CATSPERG: variants seen among roughly 807,000 people sequenced by gnomAD.
The protein encoded by CATSPERG is catsper channel auxiliary subunit gamma, also known as cation channel sperm-associated auxiliary subunit gamma.
CATSPERG carries 115 observed loss-of-function variants against 145.0 expected under a neutral mutation model. That is an observed-to-expected ratio of 0.79 (90% confidence interval 0.68 to 0.93). CATSPERG has a LOEUF of 0.93. Ranked by LOEUF, CATSPERG falls within the 40% of genes least tolerant of loss-of-function variation. The pLI is 0.00. For missense variants in CATSPERG, 1,296 were observed against 1,490.1 expected, an observed-to-expected ratio of 0.87 and a Z score of 2.14; for synonymous variants, 588 against 589.0, an observed-to-expected ratio of 1.00 and a Z score of 0.02.
At chr19:38,363,489 C>CTTTTTTT (rs1173452820) in intron 20 of CATSPERG, among the ~76,000 whole-genome samples, 1 of 128,244 alleles carries the variant, frequency 7.8e-6, no homozygotes, top group African/African-American at 3.0e-5. Flanking sequence ...TAGCCTATTC[C>CTTTTTTT]TTTTTTTTTT....
At chr19:38,361,991 GGA>G in intron 17 of CATSPERG, 130 bp downstream of exon 17, 1 of 632,184 alleles carries the variant, frequency 1.6e-6, no homozygotes, top group Non-Finnish European at 2.7e-6. Flanking sequence ...GGTGGGCGGG[GGA>G]CCTGGGGGCG....
At chr19:38,347,981 A>G (rs1422589377) in intron 7 of CATSPERG, among the ~76,000 whole-genome samples, 1 of 150,988 alleles carries the variant, frequency 6.6e-6, no homozygotes, top group Non-Finnish European at 1.5e-5. Flanking sequence ...TCCTCCCATC[A>G]AGGTCAAAAG....
chr19:38,352,595 CTTTTTT>C (rs576701757), intron 8 of CATSPERG, 163 bp downstream of exon 8: 382 of 313,594 alleles, frequency 1.2e-3, no homozygotes, highest in East Asian at 2.5e-3. Flanking sequence ...TTGCCTTGCC[CTTTTTT>C]TTTTTTTTTT....
intron 7 of CATSPERG, among the ~76,000 whole-genome samples, chr19:38,350,780 C>T (rs1039280745): frequency 1.3e-5 from 2 of 152,082 alleles, no homozygotes; most frequent in African/African-American, 2.4e-5. Context: ...CTTGAGCCTA[C>T]GAGTTCGAGA....
At chr19:38,358,181 G>A in intron 11 of CATSPERG, 97 bp from the exon 12 acceptor site, 1 of 1,239,522 alleles carries the variant, frequency 8.1e-7, no homozygotes, top group Non-Finnish European at 1.2e-6. Flanking sequence ...TCTTTGGAGG[G>A]TTTTACAGGA....
At chr19:38,336,649 A>G (rs774632214) in intron 1 of CATSPERG, 11 of 245,372 alleles carry the variant, frequency 4.5e-5, no homozygotes, top group Non-Finnish European at 6.6e-5. Context: ...AGGGTGGGGC[A>G]AGAGGTTGGG....
At position 38,352,263 on chromosome 19, in the gene CATSPERG, G is replaced by C; in HGVS notation, c.828G>C (p.Leu276=). ...CACTAGCCTCTGCTCCCCTGCAGCT[G>C]AGCATTGACAGTTGCTGGGTGGGCT... ...TSFKDFSLVE[L]SIDSCWVGSF... Residue 276 remains leucine (L), a splice_region_variant and synonymous_variant, in exon 8 of 29, where the codon CTG becomes CTC. Coordinates refer to ENST00000409235, the MANE Select transcript of CATSPERG (RefSeq NM_021185.5). 1 of 1,551,362 alleles carries C rather than the reference G, an allele frequency of 6.4e-7. No individual in the cohort carries two copies. The highest frequency in any genetic ancestry group is 8.7e-7 in the Non-Finnish European group (1 of 1,147,050).
chr19:38,337,653 GGGT>G lies in CATSPERG; in HGVS notation c.324+9_324+11del. 2 of 1,551,278 alleles carry G rather than the reference GGGT, an allele frequency of 1.3e-6. No individual in the cohort carries two copies. The highest frequency in any genetic ancestry group is 4.9e-5 in the East Asian group (2 of 40,922). ...CTACTCCTGCGAGGAAAAGGTGAGT[GGGT>G]GCAGCACGGATAGGCTCATTCTATG... On this transcript the variant is annotated splice_region_variant and intron_variant, in intron 3 of 28. Coordinates refer to ENST00000409235, the MANE Select transcript of CATSPERG (RefSeq NM_021185.5).
intron 8 of CATSPERG, among the ~76,000 whole-genome samples, chr19:38,353,104 C>T (rs891607839): frequency 2.9e-4 from 43 of 147,644 alleles, no homozygotes; most frequent in Non-Finnish European, 4.6e-4. Flanking sequence ...GAGGCCGAGG[C>T]GGGTGGATCA....
At chr19:38,357,841 A>G (rs1009147434) in intron 11 of CATSPERG, among the ~76,000 whole-genome samples, 1 of 152,158 alleles carries the variant, frequency 6.6e-6, no homozygotes, top group African/African-American at 2.4e-5. Flanking sequence ...AAACCCAGCA[A>G]CTCAGGAGGC....
At chr19:38,338,684 A>G (rs925483587) in intron 3 of CATSPERG, among the ~76,000 whole-genome samples, 1 of 152,120 alleles carries the variant, frequency 6.6e-6, no homozygotes, top group Non-Finnish European at 1.5e-5. Flanking sequence ...CCACACCAGC[A>G]CGGGAGGATC....
At position 38,370,000 on chromosome 19, in the gene CATSPERG, T is replaced by C. The variant is rs1600490346; in HGVS notation, c.3049T>C (p.Tyr1017His). 2 of 1,614,286 alleles carry C rather than the reference T, an allele frequency of 1.2e-6. No homozygotes were observed. Among genetic ancestry groups the C allele is most frequent in the East Asian group, 4.5e-5 (2 of 44,886 alleles). Residue 1017 changes from tyrosine (Y) to histidine (H), a missense_variant, in exon 27 of 29, where the codon TAT becomes CAT. Transcript: ENST00000409235. ...GCTCTGTCTGGAGAATGCCCCATGC[T>C]ATGACAATGTTCCCCAAGGCATCTT... ...EWLCLENAPC[Y>H]DNVPQGIFAP... is the part of the protein sequence containing the mutation.
At position 38,360,588 on chromosome 19, in the gene CATSPERG, C is replaced by T; in HGVS notation, c.1708C>T (p.Leu570Phe). The T allele has an allele frequency of 6.2e-7, 1 of 1,614,240 alleles. No individual in the cohort carries two copies. The highest frequency in any genetic ancestry group is 8.5e-7 in the Non-Finnish European group (1 of 1,180,030). ...CTTAAAGCTGATGCAACAGTCCTCTCTCTACGCATCCAATGAGACCATGCT... is the reference window on the plus strand; with the variant it reads ...CTTAAAGCTGATGCAACAGTCCTCTTTCTACGCATCCAATGAGACCATGCT... ...ISLKLMQQSSLYASNETMLTL... is the reference protein window; with the variant it reads ...ISLKLMQQSSFYASNETMLTL... The change falls in exon 15 of 29, where the codon CTC becomes TTC. Residue 570 changes from leucine to phenylalanine, a missense_variant. Leu to Phe is a conservative substitution (Grantham distance 22). Coordinates refer to ENST00000409235, the MANE Select transcript of CATSPERG (RefSeq NM_021185.5).
chr19:38,370,013 C>T lies in CATSPERG; in HGVS notation c.3062C>T (p.Pro1021Leu). ...LENAPCYDNV[P>L]QGIFAPEFFF... Reference sequence around the variant, plus strand: ...AATGCCCCATGCTATGACAATGTTCCCCAAGGCATCTTTGCCCCTGAATTC... The same window carrying T: ...AATGCCCCATGCTATGACAATGTTCTCCAAGGCATCTTTGCCCCTGAATTC... Residue 1021 changes from proline (P) to leucine (L), a missense_variant, in exon 27 of 29, where the codon CCC becomes CTC. Pro to Leu is a moderately conservative substitution (Grantham distance 98). Coordinates refer to ENST00000409235, the MANE Select transcript of CATSPERG (RefSeq NM_021185.5). 2 of 1,614,212 alleles carry T rather than the reference C, an allele frequency of 1.2e-6. No homozygotes were observed. The highest frequency in any genetic ancestry group is 1.7e-6 in the Non-Finnish European group (2 of 1,180,046).
chr19:38,343,936 C>A, intron 4 of CATSPERG, 57 bp from the exon 5 acceptor site: 1 of 1,539,672 alleles, frequency 6.5e-7, no homozygotes, highest in Non-Finnish European at 8.8e-7. Context: ...TGGTCTGGGG[C>A]CTGGAACCGG....
At chr19:38,343,180 C>G (rs1969967083) in intron 3 of CATSPERG, among the ~76,000 whole-genome samples, 1 of 151,816 alleles carries the variant, frequency 6.6e-6, no homozygotes, top group East Asian at 1.9e-4. Flanking sequence ...TTTTTTTAAG[C>G]CTGGAACTGG....
intron 11 of CATSPERG, among the ~76,000 whole-genome samples, chr19:38,357,182 C>G (rs1321216548): frequency 6.6e-6 from 1 of 152,020 alleles, no homozygotes; most frequent in Non-Finnish European, 1.5e-5. Context: ...AGGACTGTTT[C>G]CTCTCAGGCA....
rs1970326903 is a variant in CATSPERG at position 38,360,579 on chromosome 19, C to T, written c.1699C>T (p.Gln567Ter). The T allele has an allele frequency of 1.2e-6, 2 of 1,614,126 alleles. No homozygotes were observed. The highest frequency in any genetic ancestry group is 1.3e-5 in the African/African-American group (1 of 74,936). The change falls in exon 15 of 29, where the codon CAG becomes TAG. Residue 567 changes from glutamine (Q) to a stop codon, truncating the protein, a stop_gained. Coordinates refer to ENST00000409235, the MANE Select transcript of CATSPERG (RefSeq NM_021185.5). LOFTEE classifies it high-confidence loss of function. ...QVHISLKLMQ[Q>*]SSLYASNETM... ...GCACATCAGCTTAAAGCTGATGCAA[C>T]AGTCCTCTCTCTACGCATCCAATGA...
chr19:38,366,577 G>C (rs964062992), intron 22 of CATSPERG: 3 of 153,060 alleles, frequency 2.0e-5, no homozygotes, highest in African/African-American at 7.2e-5. Context: ...CTGGCTGCAT[G>C]GGGTGGGGGG....
Sources: allele counts gnomAD v4.1 joint callset (sites outside exome capture counted in the v4.1 genomes callset), GRCh38; gene constraint gnomAD v4.1.1; transcripts MANE v1.5; gene names NCBI Gene and HGNC (gene_info 2026-07-23, HGNC 2026-07-21).